APP: variants seen among roughly 807,000 people sequenced by gnomAD.
APP encodes the protein amyloid-beta precursor protein.
In APP, 31 loss-of-function variants were observed where a neutral mutation model predicts 101.4. That is an observed-to-expected ratio of 0.31 (90% confidence interval 0.23 to 0.41). The LOEUF is 0.41. Among genes scored for constraint, APP ranks in the 10% least tolerant of loss-of-function variants. The pLI is 1.00. For missense variants in APP, 839 were observed against 1,003.7 expected, an observed-to-expected ratio of 0.84 and a Z score of 2.22; for synonymous variants, 366 against 364.4, an observed-to-expected ratio of 1.00 and a Z score of -0.05.
At chr21:26,052,882 G>C (rs1199533942) in intron 4 of APP, among the ~76,000 whole-genome samples, 1 of 152,222 alleles carries the variant, frequency 6.6e-6, no homozygotes, top group Non-Finnish European at 1.5e-5. Flanking sequence ...ATATTTTTAA[G>C]TTATAAGGCA....
intron 6 of APP, 151 bp downstream of exon 6, chr21:26,021,689 A>G (rs1239611844): frequency 8.6e-7 from 1 of 1,168,422 alleles, no homozygotes; most frequent in East Asian, 2.4e-5. Flanking sequence ...TTGTTAAACC[A>G]AAAAAATTTC....
At chr21:25,881,930 C>G (rs1045004516) in intron 17 of APP, among the ~76,000 whole-genome samples, 159 bp from the exon 18 acceptor site, 1 of 152,172 alleles carries the variant, frequency 6.6e-6, no homozygotes, top group Non-Finnish European at 1.5e-5. Flanking sequence ...TGGAGCAGAA[C>G]GCCTTTGCCC....
chr21:25,896,180 A>ATTATC, intron 16 of APP, among the ~76,000 whole-genome samples: 2 of 152,262 alleles, frequency 1.3e-5, no homozygotes, highest in South Asian at 4.1e-4. Context: ...CTGATACTAG[A>ATTATC]TTATCTTGCC....
chr21:26,143,264 G>C (rs1050963355), intron 1 of APP, among the ~76,000 whole-genome samples: 8 of 152,172 alleles, frequency 5.3e-5, no homozygotes, highest in East Asian at 1.9e-4. Flanking sequence ...ACTTAGCCTA[G>C]GAGTTTGAGA....
chr21:25,897,417 C>T (rs2038144614), intron 16 of APP, among the ~76,000 whole-genome samples, 156 bp downstream of exon 16: 1 of 152,128 alleles, frequency 6.6e-6, no homozygotes, highest in Non-Finnish European at 1.5e-5. Flanking sequence ...CTCAGCCTAG[C>T]CTATTTATTT....
At chr21:26,162,242 T>C (rs2063507110) in intron 1 of APP, among the ~76,000 whole-genome samples, 1 of 152,212 alleles carries the variant, frequency 6.6e-6, no homozygotes, top group Non-Finnish European at 1.5e-5. Flanking sequence ...GGCAGGAAGA[T>C]GGCTTCAGCC....
At chr21:25,935,860 AAC>A (rs1491014855) in intron 13 of APP, among the ~76,000 whole-genome samples, 3 of 150,636 alleles carry the variant, frequency 2.0e-5, no homozygotes, top group African/African-American at 7.4e-5. Flanking sequence ...AAAAAAAAAA[AAC>A]CTGTCAAATC....
chr21:25,908,119 G>A (rs959525638), intron 14 of APP, among the ~76,000 whole-genome samples: 19 of 152,180 alleles, frequency 1.2e-4, no homozygotes, highest in Non-Finnish European at 2.8e-4. Context: ...GGAAAAAGTA[G>A]AACAAACACA....
rs45526140 is a variant in APP at position 25,956,194 on chromosome 21, C to T, written c.1459-439G>A. On this transcript the variant is annotated intron_variant, in intron 11 of 17. Transcript: ENST00000346798. ...CCCATCACCAGTAACATGTAACATA[C>T]GAAATCAAAATGAGAAAAACAGGAA... Among the ~76,000 whole-genome samples, 18 of 152,184 alleles carry T rather than the reference C, an allele frequency of 1.2e-4. No homozygotes were observed. The East Asian group carries it at 3.3e-3, about 28-fold the overall frequency.
At chr21:26,057,444 C>A (rs1344755939) in intron 3 of APP, among the ~76,000 whole-genome samples, 2 of 151,552 alleles carry the variant, frequency 1.3e-5, no homozygotes, top group Non-Finnish European at 2.9e-5. Flanking sequence ...AAACAATTCA[C>A]AATTTATATT....
At chr21:25,883,928 CTTG>C (rs979852729) in intron 17 of APP, among the ~76,000 whole-genome samples, 1 of 152,034 alleles carries the variant, frequency 6.6e-6, no homozygotes, top group African/African-American at 2.4e-5. Context: ...GAGTCTTGCT[CTTG>C]TTGCCCAGGC....
At chr21:25,921,441 G>T (rs1271288937) in intron 13 of APP, among the ~76,000 whole-genome samples, 3 of 147,026 alleles carry the variant, frequency 2.0e-5, no homozygotes, top group Non-Finnish European at 3.0e-5. Flanking sequence ...GAATCCAGGA[G>T]CTGGTTTTTT....
At chr21:25,886,579 G>A (rs192266593) in intron 17 of APP, among the ~76,000 whole-genome samples, 1 of 151,812 alleles carries the variant, frequency 6.6e-6, no homozygotes, top group South Asian at 2.1e-4. Context: ...ATTTTTATTA[G>A]AGACAGGGTC....
intron 2 of APP, among the ~76,000 whole-genome samples, chr21:26,097,756 A>C (rs967211650): frequency 1.3e-5 from 2 of 152,188 alleles, no homozygotes; most frequent in Non-Finnish European, 2.9e-5. Flanking sequence ...TTTATCATTG[A>C]AAGTGAATGT....
At chr21:26,101,354 C>T (rs1601462004) in intron 2 of APP, among the ~76,000 whole-genome samples, 1 of 152,220 alleles carries the variant, frequency 6.6e-6, no homozygotes, top group East Asian at 1.9e-4. Context: ...GACTCGGCCT[C>T]CCAATGTGCT....
chr21:25,977,418 T>C (rs1225833112), intron 9 of APP, among the ~76,000 whole-genome samples: 3 of 152,216 alleles, frequency 2.0e-5, no homozygotes, highest in Admixed American at 2.0e-4. Context: ...TTGATTACTG[T>C]ATTATAAGAG....
intron 8 of APP, among the ~76,000 whole-genome samples, chr21:25,993,288 C>A (rs1256293163): frequency 2.3e-4 from 1 of 4,406 alleles, no homozygotes; most frequent in Non-Finnish European, 4.0e-4. Flanking sequence ...TCTGCACAAA[C>A]TATAAGGCCA....
chr21:26,146,676 C>G (rs1026795709), intron 1 of APP, among the ~76,000 whole-genome samples: 1 of 152,190 alleles, frequency 6.6e-6, no homozygotes, highest in Non-Finnish European at 1.5e-5. Context: ...GAGAGCTGAT[C>G]ATTGCTGAGC....
rs550233134 is a variant in APP at position 25,929,461 on chromosome 21, A to G, written c.1688-17499T>C. Reference sequence around the variant, plus strand: ...ATCACTTTACTATGCAATTTTTATGACTATGCTTAAGGAGAGTAAATTTTT... The same window carrying G: ...ATCACTTTACTATGCAATTTTTATGGCTATGCTTAAGGAGAGTAAATTTTT... On this transcript the variant is annotated intron_variant, in intron 13 of 17. Coordinates refer to ENST00000346798, the MANE Select transcript of APP (RefSeq NM_000484.4). Among the ~76,000 whole-genome samples the G allele has an allele frequency of 4.6e-5, 7 of 152,148 alleles. No individual in the cohort carries two copies. In the South Asian group the frequency reaches 1.5e-3, roughly 32 times the overall value.
Sources: allele counts gnomAD v4.1 joint callset (sites outside exome capture counted in the v4.1 genomes callset), GRCh38; gene constraint gnomAD v4.1.1; transcripts MANE v1.5; gene names NCBI Gene and HGNC (gene_info 2026-07-23, HGNC 2026-07-21).